Variants in POF1B observed in about 807,000 individuals in gnomAD.
POF1B encodes the protein protein POF1B.
In POF1B, 53 loss-of-function variants were observed where a neutral mutation model predicts 55.3. The observed-to-expected ratio is 0.96, with a 90% CI of 0.77 to 1.20. The LOEUF is 1.20. POF1B is among the 50% of genes most tolerant of loss of function. POF1B has a pLI of 0.00. For missense variants in POF1B, 478 were observed against 420.5 expected (o/e 1.14, Z -1.20); for synonymous variants, 188 against 148.3 (o/e 1.27, Z -1.95).
rs927022492 is a variant in POF1B at position 85,277,746 on chromosome X, C to T, written c.*1675G>A. 9.0e-6 allele frequency: 1 copy of T among 110,503 alleles called. No homozygotes were observed. The highest frequency in any genetic ancestry group is 3.3e-5 in the African/African-American group (1 of 30,504). 9.1% of individuals were successfully genotyped at this position (110,503 alleles called of 1,213,427 possible). A position where few individuals can be genotyped will look rare whatever the true frequency, so the allele number is the denominator to read the frequency against. ...AGTTCCATCCATGACTCCTTAACTG[C>T]CCCTGAATTTTTGACACTATTATTT... On this transcript the variant is annotated 3_prime_UTR_variant, in exon 17 of 17. Coordinates refer to ENST00000262753, the MANE Select transcript of POF1B (RefSeq NM_024921.4).
intron 3 of POF1B, among the ~76,000 whole-genome samples, chrX:85,360,508 G>A (rs1251468563): frequency 1.1e-5 from 1 of 88,733 alleles, no homozygotes; most frequent in Non-Finnish European, 2.1e-5. Context: ...TTTTATGGCT[G>A]CCTAGTATTC....
At chrX:85,312,113 C>G (rs779041252) in intron 9 of POF1B, among the ~76,000 whole-genome samples, 3 of 111,954 alleles carry the variant, frequency 2.7e-5, no homozygotes, top group Non-Finnish European at 3.8e-5. Flanking sequence ...CATTTTCTCC[C>G]ATTCTGTAGG....
At chrX:85,338,521 AAC>A (rs749113664) in intron 6 of POF1B, among the ~76,000 whole-genome samples, 7 of 112,134 alleles carry the variant, frequency 6.2e-5, no homozygotes, top group African/African-American at 2.3e-4. Flanking sequence ...TAACATTTGT[AAC>A]AGCGTAAATT....
chrX:85,290,464 A>G (rs1932159142), intron 15 of POF1B, among the ~76,000 whole-genome samples: 1 of 111,295 alleles, frequency 9.0e-6, no homozygotes, highest in African/African-American at 3.3e-5. Flanking sequence ...TACTTTGGGT[A>G]TATACCCAGA....
At chrX:85,284,750 A>G (rs779140667) in intron 15 of POF1B, among the ~76,000 whole-genome samples, 12 of 111,805 alleles carry the variant, frequency 1.1e-4, no homozygotes, top group African/African-American at 3.6e-4. Flanking sequence ...GCGTGGGCAA[A>G]GACTTCATGA....
intron 6 of POF1B, among the ~76,000 whole-genome samples, chrX:85,333,966 C>A (rs1156442378): frequency 9.5e-6 from 1 of 105,647 alleles, no homozygotes; most frequent in Non-Finnish European, 2.0e-5. Context: ...GGGGGGAGGG[C>A]TGAGGGAATT....
chrX:85,371,888 T>G (rs982332626), intron 2 of POF1B, among the ~76,000 whole-genome samples: 2 of 112,145 alleles, frequency 1.8e-5, no homozygotes, highest in Admixed American at 9.5e-5. Flanking sequence ...CATTGAATTT[T>G]TGTTTAATGC....
intron 4 of POF1B, among the ~76,000 whole-genome samples, chrX:85,356,059 C>G (rs1178050495): frequency 1.8e-5 from 2 of 111,283 alleles, no homozygotes; most frequent in Non-Finnish European, 3.8e-5. Context: ...GGAACCAACC[C>G]AAATGTCCAT....
chrX:85,283,529 G>A (rs1225080909), intron 15 of POF1B, among the ~76,000 whole-genome samples: 3 of 109,926 alleles, frequency 2.7e-5, no homozygotes, highest in African/African-American at 9.9e-5. Context: ...AAACATAAAA[G>A]AAAACGGAAA....
chrX:85,356,486 T>G (rs1255458975), intron 4 of POF1B, among the ~76,000 whole-genome samples: 2 of 109,933 alleles, frequency 1.8e-5, no homozygotes, highest in Non-Finnish European at 3.8e-5. Flanking sequence ...AAAAAGATTG[T>G]CTAGGCACTA....
intron 15 of POF1B, among the ~76,000 whole-genome samples, chrX:85,300,080 C>T (rs1407803606): frequency 8.9e-6 from 1 of 112,244 alleles, no homozygotes; most frequent in African/African-American, 3.2e-5. Context: ...ATAGTTCAGG[C>T]AGACAAGAAA....
intron 13 of POF1B, 115 bp from the exon 14 acceptor site, chrX:85,304,586 T>A (rs1017657778): frequency 5.6e-6 from 2 of 360,197 alleles, no homozygotes; most frequent in African/African-American, 5.4e-5. Flanking sequence ...GAAAGTAAAA[T>A]ACCAATAGTC....
chrX:85,350,242 T>C (rs1933352097), intron 5 of POF1B, among the ~76,000 whole-genome samples: 1 of 106,870 alleles, frequency 9.4e-6, no homozygotes, highest in Non-Finnish European at 1.9e-5. Context: ...GTCCATGTGT[T>C]CTCATTGCTC....
At chrX:85,372,787 A>ATATATATATAT (rs1933854535) in intron 2 of POF1B, among the ~76,000 whole-genome samples, 1 of 103,096 alleles carries the variant, frequency 9.7e-6, no homozygotes, top group African/African-American at 3.5e-5. Context: ...ATATATATAT[A>ATATATATATAT]CTTTAAGTTC....
At chrX:85,299,409 C>A (rs1399411975) in intron 15 of POF1B, among the ~76,000 whole-genome samples, 1 of 106,203 alleles carries the variant, frequency 9.4e-6, no homozygotes, top group Non-Finnish European at 1.9e-5. Flanking sequence ...CTGCCTCAGC[C>A]TCCCGAGTAG....
At chrX:85,346,845 C>A (rs1416819466) in intron 5 of POF1B, among the ~76,000 whole-genome samples, 1 of 110,215 alleles carries the variant, frequency 9.1e-6, no homozygotes, top group African/African-American at 3.3e-5. Context: ...ACTAATTTTG[C>A]AGATGAAAGA....
chrX:85,363,177 T>C (rs1327412754), intron 3 of POF1B, among the ~76,000 whole-genome samples: 1 of 111,773 alleles, frequency 8.9e-6, no homozygotes, highest in Non-Finnish European at 1.9e-5. Flanking sequence ...ATCTGCCTTA[T>C]TAATTTTTTG....
At position 85,314,593 on chromosome X, in the gene POF1B, T is replaced by A. The variant is rs1042198591; in HGVS notation, c.883-87A>T. 1.6e-5 allele frequency: 9 copies of A among 579,040 alleles called. No individual in the cohort carries two copies. In the African/African-American group the frequency reaches 2.2e-4, roughly 14 times the overall value. 47.7% of individuals were successfully genotyped at this position (579,040 alleles called of 1,213,427 possible). A position where few individuals can be genotyped will look rare whatever the true frequency, so the allele number is the denominator to read the frequency against. On this transcript the variant is annotated intron_variant, in intron 8 of 16. Transcript: ENST00000262753. ...ACAGACTTTTGTGTAATGGGACATA[T>A]TTTAGGAATATTAAAAGACTAATTC...
chrX:85,280,560 T>C (rs6653052), intron 16 of POF1B, among the ~76,000 whole-genome samples: 23,873 of 110,674 alleles, frequency 0.22, 2,452 homozygotes, highest in African/African-American at 0.4. Context: ...TCAGTATCCA[T>C]CCCACAAGGA....
Sources: gnomAD v4.1 joint callset for allele counts (sites outside exome capture counted in the v4.1 genomes callset) on GRCh38, gnomAD v4.1.1 for gene constraint, MANE v1.5 for transcripts, NCBI Gene and HGNC (gene_info 2026-07-23, HGNC 2026-07-21) for gene names.